The following NCOR1 variants were observed in gnomAD, a reference collection of about 807,000 sequenced individuals.
NCOR1 encodes nuclear receptor corepressor 1, also known as protein phosphatase 1, regulatory subunit 109.
In NCOR1, 63 loss-of-function variants were observed where a neutral mutation model predicts 288.1. The observed-to-expected ratio is 0.22, with a 90% CI of 0.18 to 0.27. The LOEUF (loss-of-function observed/expected upper bound fraction) is 0.27. NCOR1 is among the 10% of genes least tolerant of loss of function. The pLI is 1.00. For synonymous variants in NCOR1, 1,007 were observed against 1,065.9 expected, an observed-to-expected ratio of 0.94 and a Z score of 1.08; for missense variants, 2,397 against 3,019.2, an observed-to-expected ratio of 0.79 and a Z score of 4.83.
At chr17:16,127,107 G>GTA (rs1176133257) in intron 14 of NCOR1, among the ~76,000 whole-genome samples, 7 of 95,000 alleles carry the variant, frequency 7.4e-5, no homozygotes, top group Non-Finnish European at 1.4e-4. Flanking sequence ...AGGTGTGTGT[G>GTA]TGTATATGTA....
At chr17:16,041,404 C>CTTTTTTTTTTTTTTT (rs3031059) in intron 42 of NCOR1, 1 of 103,790 alleles carries the variant, frequency 9.6e-6, no homozygotes, top group African/African-American at 3.7e-5. Context: ...TGTGAAAGTT[C>CTTTTTTTTTTTTTTT]TTTTTTTTTT....
At chr17:16,152,283 T>C (rs2078993390) in intron 7 of NCOR1, among the ~76,000 whole-genome samples, 1 of 152,190 alleles carries the variant, frequency 6.6e-6, no homozygotes, top group Admixed American at 6.5e-5. Context: ...TACGTATTTC[T>C]CCTAATGCTA....
At chr17:16,201,338 C>T (rs1433890511) in intron 1 of NCOR1, among the ~76,000 whole-genome samples, 1 of 152,160 alleles carries the variant, frequency 6.6e-6, no homozygotes, top group Non-Finnish European at 1.5e-5. Context: ...GTGGCTCACG[C>T]CTGTAATCCC....
At chr17:16,105,722 A>C (rs1417053310) in intron 19 of NCOR1, among the ~76,000 whole-genome samples, 1 of 42,812 alleles carries the variant, frequency 2.3e-5, no homozygotes, top group Admixed American at 2.2e-4. Context: ...GTCTCCAAAA[A>C]ACAAACAAAC....
At chr17:16,181,211 A>ATGTGTGTGTGTGTGTGTGTGTGTG in intron 3 of NCOR1, among the ~76,000 whole-genome samples, 1 of 139,578 alleles carries the variant, frequency 7.2e-6, no homozygotes, top group East Asian at 2.2e-4. Context: ...ATATATATGT[A>ATGTGTGTGTGTGTGTGTGTGTGTG]TGTGTGTGTG....
chr17:16,050,522 C>T (rs374656422), intron 40 of NCOR1, among the ~76,000 whole-genome samples: 1 of 152,166 alleles, frequency 6.6e-6, no homozygotes, highest in East Asian at 1.9e-4. Context: ...CACACCCGGC[C>T]CTGCTAAAAT....
chr17:16,106,076 G>A (rs988799788), intron 19 of NCOR1, among the ~76,000 whole-genome samples: 4 of 152,006 alleles, frequency 2.6e-5, no homozygotes, highest in East Asian at 1.9e-4. Flanking sequence ...CTCCAGCCTG[G>A]GCAACAAGCG....
In NCOR1 at chr17:16,135,880, C is replaced by T. The variant is rs116343549; in HGVS notation, c.1509+1431G>A. Among the ~76,000 whole-genome samples the T allele has an allele frequency of 8.9e-3, 1,358 of 152,274 alleles. 24 individuals carry two copies. Among genetic ancestry groups the T allele is most frequent in the African/African-American group, 0.031 (1,292 of 41,538 alleles). On this transcript the variant is annotated intron_variant, in intron 14 of 45. Coordinates refer to ENST00000268712, the MANE Select transcript of NCOR1 (RefSeq NM_006311.4). The stretch of plus-strand genomic sequence containing the variant: ...AACGAAGAAAGGGAGTAAGACCCCA[C>T]CCCAACAAAAGGGTGGCTGAGTGGG...
chr17:16,115,663 T>A (rs2071428757), intron 18 of NCOR1, among the ~76,000 whole-genome samples: 1 of 152,190 alleles, frequency 6.6e-6, no homozygotes, highest in Non-Finnish European at 1.5e-5. Flanking sequence ...AAGACTCACC[T>A]TTGCTCCAAT....
intron 21 of NCOR1, among the ~76,000 whole-genome samples, chr17:16,094,712 G>C (rs1001940300): frequency 6.6e-6 from 1 of 152,196 alleles, no homozygotes; most frequent in Non-Finnish European, 1.5e-5. Context: ...TTGCAGGCGC[G>C]CGCCGCCACG....
At position 16,127,295 on chromosome 17, in the gene NCOR1, A is replaced by G. The variant is rs1354587398; in HGVS notation, c.1510-1089T>C. Among the ~76,000 whole-genome samples, 366 of 105,362 alleles carry G rather than the reference A, an allele frequency of 3.5e-3. 115 individuals carry two copies. Among genetic ancestry groups the G allele is most frequent in the Middle Eastern group, 0.013 (2 of 152 alleles). The allele number at this position is 105,362 out of a possible 152,430, so 69.1% of individuals were successfully genotyped here. ...TATGTATATATACGTGTATATATGT[A>G]TGTATGTATATATACATGTATGTAT... On this transcript the variant is annotated intron_variant, in intron 14 of 45. Transcript: ENST00000268712.
At chr17:16,196,213 T>C (rs2153564643) in intron 1 of NCOR1, among the ~76,000 whole-genome samples, 1 of 151,222 alleles carries the variant, frequency 6.6e-6, no homozygotes, top group Non-Finnish European at 1.5e-5. Flanking sequence ...AAAGTTTTAA[T>C]TTTGTTTCCA....
chr17:16,092,039 T>C lies in NCOR1; in HGVS notation c.2840A>G (p.Asn947Ser). ...IPPMVSCTPC[N>S]IPIGTPVSGY... Reference sequence around the variant, plus strand: ...GCTCACTGGGGTTCCAATTGGTATGTTACATGGGGTGCAGGATACCTATAG... The same window carrying C: ...GCTCACTGGGGTTCCAATTGGTATGCTACATGGGGTGCAGGATACCTATAG... The change falls in exon 22 of 46, where the codon AAC becomes AGC. Residue 947 changes from asparagine to serine, a missense_variant. Physicochemically the swap from Asn to Ser is conservative, Grantham distance 46. This residue lies in a region of NCOR1 where 1,872 missense variants were observed against 2,187.8 expected (regional missense o/e 0.86). Coordinates refer to ENST00000268712, the MANE Select transcript of NCOR1 (RefSeq NM_006311.4). 1 of 1,614,098 alleles carries C rather than the reference T, an allele frequency of 6.2e-7. No individual in the cohort carries two copies.
chr17:16,092,674 TATATATATATA>T (rs2065482803), intron 21 of NCOR1, among the ~76,000 whole-genome samples: 2 of 18,458 alleles, frequency 1.1e-4, no homozygotes, highest in African/African-American at 6.0e-4. Flanking sequence ...TATATATATA[TATATATATATA>T]TATATATATA....
intron 31 of NCOR1, among the ~76,000 whole-genome samples, chr17:16,069,136 C>T (rs1334660171): frequency 1.3e-5 from 2 of 152,188 alleles, no homozygotes. Flanking sequence ...GTAACCATCA[C>T]ATCTAATTAC....
chr17:16,164,647 A>C (rs1452541927), intron 5 of NCOR1, among the ~76,000 whole-genome samples: 1 of 152,178 alleles, frequency 6.6e-6, no homozygotes, highest in Admixed American at 6.5e-5. Context: ...ACTGTACATA[A>C]TCTTGGGCCA....
intron 22 of NCOR1, among the ~76,000 whole-genome samples, chr17:16,091,251 C>A (rs2065131144): frequency 1.3e-5 from 2 of 152,210 alleles, no homozygotes; most frequent in Non-Finnish European, 2.9e-5. Context: ...CTACATTATA[C>A]ATAAAATAAT....
rs143304655 is a variant in NCOR1 at position 16,140,621 on chromosome 17, T to G, written c.1174-1435A>C. 9.8e-3 allele frequency among the ~76,000 whole-genome samples: 1,491 copies of G among 152,254 alleles called. 23 individuals carry two copies. The highest frequency in any genetic ancestry group is 0.034 in the African/African-American group (1,406 of 41,536). On this transcript the variant is annotated intron_variant, in intron 11 of 45. Coordinates refer to ENST00000268712, the MANE Select transcript of NCOR1 (RefSeq NM_006311.4). ...CTGAGGTCAGGAGTTTGAGACCAGC[T>G]TGGCCAACATGGCAAAACCCTGTTT...
At chr17:16,180,063 G>A (rs1016771200) in intron 3 of NCOR1, among the ~76,000 whole-genome samples, 4 of 151,736 alleles carry the variant, frequency 2.6e-5, no homozygotes, top group African/African-American at 9.7e-5. Context: ...ACATATCCCT[G>A]GCATGCAAGG....
Sources: gnomAD v4.1 joint callset for allele counts (sites outside exome capture counted in the v4.1 genomes callset) on GRCh38, gnomAD v4.1.1 for gene constraint, gnomAD v4.1.1 regional missense constraint, MANE v1.5 for transcripts, NCBI Gene and HGNC (gene_info 2026-07-23, HGNC 2026-07-21) for gene names.